Variants in PCDHA12 observed in about 807,000 individuals in gnomAD.
The protein encoded by PCDHA12 is protocadherin alpha 12, also known as protocadherin alpha-12.
A neutral mutation model predicts 60.0 loss-of-function variants in PCDHA12; 44 were observed. The observed-to-expected ratio is 0.73, with a 90% CI of 0.58 to 0.94. The LOEUF (loss-of-function observed/expected upper bound fraction) is 0.94. PCDHA12 is among the 40% of genes least tolerant of loss of function. The probability of loss-of-function intolerance (pLI) is 0.00; values close to 1 mark genes in which losing one functional copy is unlikely to be tolerated. For missense variants in PCDHA12, 1,276 were observed against 1,239.7 expected (o/e 1.03, Z -0.44); for synonymous variants, 569 against 553.0 (o/e 1.03, Z -0.40).
intron 1 of PCDHA12, among the ~76,000 whole-genome samples, chr5:140,963,606 G>A (rs79307503): frequency 0.011 from 1,749 of 152,250 alleles, 32 homozygotes; most frequent in African/African-American, 0.039. Context: ...AGACGTAATT[G>A]GGAAAGCTTA....
At chr5:140,942,543 G>C (rs1272048967) in intron 1 of PCDHA12, among the ~76,000 whole-genome samples, 1 of 152,056 alleles carries the variant, frequency 6.6e-6, no homozygotes, top group Non-Finnish European at 1.5e-5. Flanking sequence ...GTATGGTGGG[G>C]GGTAGGGGGT....
intron 1 of PCDHA12, chr5:140,968,039 G>A (rs1016266543): frequency 1.7e-5 from 28 of 1,614,026 alleles, no homozygotes; most frequent in Non-Finnish European, 1.9e-5. Context: ...GGTGGTGAGC[G>A]GCCCACTGGA....
Position 140,899,097 on chromosome 5 carries a change from T to C in PCDHA12, c.2367+21258T>C, listed in dbSNP as rs1160754058. Among the ~76,000 whole-genome samples the C allele has an allele frequency of 9.8e-3, 1,481 of 151,828 alleles. 12 individuals carry two copies. The highest frequency in any genetic ancestry group is 0.026 in the African/African-American group (1,065 of 41,212). ...AGCTTAAGGAGATTTTGGGCTGAGATAATGGGGTTTTCTAGATATACAATC... is the reference window on the plus strand; with the variant it reads ...AGCTTAAGGAGATTTTGGGCTGAGACAATGGGGTTTTCTAGATATACAATC... On this transcript the variant is annotated intron_variant, in intron 1 of 3. Transcript: ENST00000398631.
At chr5:141,004,677 A>T (rs971713487) in intron 3 of PCDHA12, among the ~76,000 whole-genome samples, 4 of 152,194 alleles carry the variant, frequency 2.6e-5, no homozygotes, top group African/African-American at 7.2e-5. Context: ...AGGACTGTGG[A>T]GTGGTGCTGA....
chr5:140,976,171 A>T (rs1356953697), intron 1 of PCDHA12, among the ~76,000 whole-genome samples: 1 of 152,218 alleles, frequency 6.6e-6, no homozygotes, highest in African/African-American at 2.4e-5. Flanking sequence ...TTAGTTTTGT[A>T]TTGTTTTAAA....
intron 3 of PCDHA12, among the ~76,000 whole-genome samples, chr5:140,994,064 A>G (rs902624513): frequency 6.6e-6 from 1 of 152,142 alleles, no homozygotes; most frequent in African/African-American, 2.4e-5. Context: ...TATAAATCTA[A>G]TGGTGAAGGG....
chr5:140,979,807 A>T (rs376087021), intron 2 of PCDHA12, among the ~76,000 whole-genome samples: 2 of 152,258 alleles, frequency 1.3e-5, no homozygotes, highest in African/African-American at 4.8e-5. Flanking sequence ...CACAACTATC[A>T]AAAGGATTTA....
At chr5:140,954,577 A>T (rs1426426958) in intron 1 of PCDHA12, among the ~76,000 whole-genome samples, 2 of 151,954 alleles carry the variant, frequency 1.3e-5, no homozygotes, top group Non-Finnish European at 1.5e-5. Flanking sequence ...TTCTTTTCAG[A>T]AGTGTCTGTT....
intron 3 of PCDHA12, among the ~76,000 whole-genome samples, chr5:140,997,836 A>G (rs1335199291): frequency 3.3e-5 from 5 of 152,222 alleles, no homozygotes; most frequent in South Asian, 4.1e-4. Flanking sequence ...AAACAATACA[A>G]TATACATTCT....
In PCDHA12 at chr5:140,963,375, C is replaced by A. The variant is rs1425392684; in HGVS notation, c.2368-15574C>A. On this transcript the variant is annotated intron_variant, in intron 1 of 3. Transcript: ENST00000398631. ...CTTTTCAAAGAACATTAATTGAGCA[C>A]CTCTGTGCCAAGCTCCCTACTGGAT... is the stretch of plus-strand genomic sequence containing the variant. Among the ~76,000 whole-genome samples, 15 of 152,176 alleles carry A rather than the reference C, an allele frequency of 9.9e-5. 1 individual carries two copies. The highest frequency in any genetic ancestry group is 5.2e-4 in the Admixed American group (8 of 15,290).
In PCDHA12 at chr5:140,946,631, T is replaced by TATATATATATATATATATATAC. The variant is rs57893927; in HGVS notation, c.2368-32317_2368-32316insTATATATATATATATATATACA. 3.0e-3 allele frequency among the ~76,000 whole-genome samples: 389 copies of TATATATATATATATATATATAC among 131,774 alleles called. 27 individuals are homozygous for TATATATATATATATATATATAC. The highest frequency in any genetic ancestry group is 0.013 in the African/African-American group (369 of 28,648). 86.4% of individuals were successfully genotyped at this position (131,774 alleles called of 152,430 possible). A position where few individuals can be genotyped will look rare whatever the true frequency, so the allele number is the denominator to read the frequency against. ...TGTGAAATATATATATATATATATA[T>TATATATATATATATATATATAC]ACAATGGAATACTCATCAGCCATTA... On this transcript the variant is annotated intron_variant, in intron 1 of 3. Coordinates refer to ENST00000398631, the MANE Select transcript of PCDHA12 (RefSeq NM_018903.4).
At chr5:140,967,380 A>C in intron 1 of PCDHA12, 3 of 1,608,302 alleles carry the variant, frequency 1.9e-6, no homozygotes, top group Non-Finnish European at 2.6e-6. Flanking sequence ...GAGAACAGTA[A>C]AGTGCTTGAG....
intron 1 of PCDHA12, among the ~76,000 whole-genome samples, chr5:140,923,413 G>T (rs2081347795): frequency 6.6e-6 from 1 of 152,062 alleles, no homozygotes; most frequent in Non-Finnish European, 1.5e-5. Context: ...CTATAATCCT[G>T]GCTACTTGGG....
chr5:140,967,087 G>T (rs782556858), intron 1 of PCDHA12: 2 of 1,613,138 alleles, frequency 1.2e-6, no homozygotes, highest in East Asian at 4.5e-5. Flanking sequence ...GCATTGATCG[G>T]GAGGCGCTGT....
intron 1 of PCDHA12, chr5:140,882,864 C>T (rs2059340057): frequency 6.2e-7 from 1 of 1,614,200 alleles, no homozygotes; most frequent in East Asian, 2.2e-5. Flanking sequence ...CTGAGGAAAA[C>T]ACTGGACAGA....
intron 1 of PCDHA12, chr5:140,928,374 C>T (rs782659188): frequency 6.2e-7 from 1 of 1,614,172 alleles, no homozygotes; most frequent in Non-Finnish European, 8.5e-7. Flanking sequence ...GGCCATCAGC[C>T]TCTAGCTTGC....
intron 1 of PCDHA12, chr5:140,926,648 G>A (rs1319870606): frequency 2.5e-5 from 12 of 475,704 alleles, no homozygotes; most frequent in Non-Finnish European, 3.5e-6. Context: ...CACCCGGCCG[G>A]CTCCGCTTTC....
intron 1 of PCDHA12, chr5:140,966,951 C>T (rs781885198): frequency 6.2e-7 from 1 of 1,603,742 alleles, no homozygotes; most frequent in Non-Finnish European, 8.5e-7. Context: ...GGCAACGTGG[C>T]TCGCGCGCTG....
At chr5:140,918,313 T>C (rs1406314903) in intron 1 of PCDHA12, among the ~76,000 whole-genome samples, 3 of 152,146 alleles carry the variant, frequency 2.0e-5, no homozygotes, top group African/African-American at 7.2e-5. Context: ...GTTTTCTAGG[T>C]ATAAAATTAT....
Sources: allele counts gnomAD v4.1 joint callset (sites outside exome capture counted in the v4.1 genomes callset), GRCh38; gene constraint gnomAD v4.1.1; transcripts MANE v1.5; gene names NCBI Gene and HGNC (gene_info 2026-07-23, HGNC 2026-07-21).